PPP2R2B: variants seen among roughly 807,000 people sequenced by gnomAD.
The protein encoded by PPP2R2B is serine/threonine-protein phosphatase 2A 55 kDa regulatory subunit B beta isoform.
A neutral mutation model predicts 46.0 loss-of-function variants in PPP2R2B; 5 were observed. The observed-to-expected ratio is 0.11, with a 90% confidence interval of 0.06 to 0.23. The LOEUF is 0.23. Ranked by LOEUF, PPP2R2B falls within the 10% of genes least tolerant of loss-of-function variation. The pLI is 1.00. For synonymous variants in PPP2R2B, 215 were observed against 206.7 expected, an observed-to-expected ratio of 1.04 and a Z score of -0.34; for missense variants, 367 against 575.0, an observed-to-expected ratio of 0.64 and a Z score of 3.70.
At chr5:146,882,142 T>G (rs1181195092), upstream of PPP2R2B, among the ~76,000 whole-genome samples, 1 of 151,706 alleles carries the variant, frequency 6.6e-6, no homozygotes, top group Non-Finnish European at 1.5e-5. Context: ...CCAGGCATGG[T>G]GGCACGCGCC....
intron 2 of PPP2R2B, among the ~76,000 whole-genome samples, chr5:146,727,350 T>C: frequency 6.6e-6 from 1 of 152,018 alleles, no homozygotes; most frequent in East Asian, 1.9e-4. Flanking sequence ...TGATGAATAA[T>C]TGTACATATT....
chr5:147,034,815 C>G (rs998810434), intron 1 of PPP2R2B, among the ~76,000 whole-genome samples: 1 of 152,128 alleles, frequency 6.6e-6, no homozygotes, highest in Admixed American at 6.5e-5. Context: ...ATTAGTTTCT[C>G]AAGACCACAA....
chr5:146,951,091 C>A (rs527889665), intron 1 of PPP2R2B, among the ~76,000 whole-genome samples: 1 of 152,084 alleles, frequency 6.6e-6, no homozygotes, highest in South Asian at 2.1e-4. Context: ...TACCACTTGG[C>A]AGTTCTTCAA....
intron 2 of PPP2R2B, among the ~76,000 whole-genome samples, chr5:146,802,927 G>T (rs901144854): frequency 6.6e-6 from 1 of 152,046 alleles, no homozygotes; most frequent in Admixed American, 6.6e-5. Flanking sequence ...ACTAAGCTTC[G>T]GATAAATTTT....
At chr5:146,889,476 C>T (rs1017236256) in intron 1 of PPP2R2B, among the ~76,000 whole-genome samples, 4 of 152,098 alleles carry the variant, frequency 2.6e-5, no homozygotes, top group East Asian at 1.9e-4. Flanking sequence ...ACTCTAAATA[C>T]GAGGTTCAGA....
chr5:146,997,005 C>T (rs1753951376), intron 1 of PPP2R2B, among the ~76,000 whole-genome samples: 1 of 152,178 alleles, frequency 6.6e-6, no homozygotes, highest in African/African-American at 2.4e-5. Flanking sequence ...CCTCTTTGAC[C>T]TTCCATTTCC....
intron 7 of PPP2R2B, among the ~76,000 whole-genome samples, chr5:146,624,237 A>T (rs1475334989): frequency 6.6e-6 from 1 of 152,186 alleles, no homozygotes; most frequent in African/African-American, 2.4e-5. Context: ...AGCAAAAGGT[A>T]TCAACTTTTA....
At chr5:146,836,540 C>T (rs776306339) in intron 2 of PPP2R2B, among the ~76,000 whole-genome samples, 10 of 152,138 alleles carry the variant, frequency 6.6e-5, no homozygotes, top group Non-Finnish European at 1.0e-4. Flanking sequence ...CCTGCTTTTC[C>T]GGGATGAATA....
intron 2 of PPP2R2B, among the ~76,000 whole-genome samples, chr5:146,820,803 T>A (rs1217308835): frequency 6.6e-6 from 1 of 152,126 alleles, no homozygotes; most frequent in Admixed American, 6.6e-5. Flanking sequence ...TTCCTAGGAC[T>A]CCATCCGTCA....
intron 7 of PPP2R2B, among the ~76,000 whole-genome samples, chr5:146,637,005 A>G (rs997921039): frequency 1.3e-5 from 2 of 152,152 alleles, no homozygotes; most frequent in Non-Finnish European, 2.9e-5. Context: ...AAATGTCTCA[A>G]CCGTCTCTGA....
At chr5:147,068,469 G>GA (rs904138363) in intron 2 of PPP2R2B, among the ~76,000 whole-genome samples, 22 of 151,636 alleles carry the variant, frequency 1.5e-4, no homozygotes, top group African/African-American at 2.2e-4. Context: ...TACTTTATGT[G>GA]AAAAAAAATG....
intron 2 of PPP2R2B, among the ~76,000 whole-genome samples, chr5:146,862,808 C>A (rs1582297950): frequency 7.4e-6 from 1 of 135,716 alleles, no homozygotes. Context: ...ATGTCTACAT[C>A]AAGGCCATTC....
At chr5:147,043,381 T>G (rs1756401835) in intron 1 of PPP2R2B, among the ~76,000 whole-genome samples, 1 of 151,898 alleles carries the variant, frequency 6.6e-6, no homozygotes, top group South Asian at 2.1e-4. Context: ...ACTGGTGGTG[T>G]TTTTGCAAGA....
intron 1 of PPP2R2B, among the ~76,000 whole-genome samples, chr5:146,972,584 TG>T (rs1283487007): frequency 6.6e-6 from 1 of 151,968 alleles, no homozygotes; most frequent in Non-Finnish European, 1.5e-5. Flanking sequence ...TGGTGGTGGG[TG>T]CCTGTAATCC....
chr5:146,647,098 T>G (rs1445003238), intron 6 of PPP2R2B, among the ~76,000 whole-genome samples: 1 of 152,218 alleles, frequency 6.6e-6, no homozygotes, highest in African/African-American at 2.4e-5. Flanking sequence ...TTTCTAACCA[T>G]ATCTCCAGAT....
intron 1 of PPP2R2B, among the ~76,000 whole-genome samples, chr5:147,025,651 A>C (rs767593168): frequency 1.3e-5 from 2 of 152,058 alleles, no homozygotes; most frequent in Non-Finnish European, 2.9e-5. Context: ...GGCCATGAGA[A>C]AATATTTGTA....
At chr5:146,615,515 T>TAAAAAAAAAAAAA (rs1364774106) in intron 7 of PPP2R2B, among the ~76,000 whole-genome samples, 89 of 70,806 alleles carry the variant, frequency 1.3e-3, no homozygotes, top group Non-Finnish European at 1.7e-3. Flanking sequence ...AAAAAAAAAT[T>TAAAAAAAAAAAAA]AAAAAAAAAA....
At chr5:146,873,158 T>G (rs919708453) in intron 2 of PPP2R2B, among the ~76,000 whole-genome samples, 2 of 152,190 alleles carry the variant, frequency 1.3e-5, no homozygotes, top group Non-Finnish European at 2.9e-5. Flanking sequence ...CATGGCAAAA[T>G]TCTGGGAGTT....
At chr5:146,633,192 G>A (rs1205290331) in intron 7 of PPP2R2B, among the ~76,000 whole-genome samples, 1 of 152,234 alleles carries the variant, frequency 6.6e-6, no homozygotes. Context: ...CCCCTGCTGA[G>A]TATGCAGAGT....
Sources: allele counts gnomAD v4.1 joint callset (sites outside exome capture counted in the v4.1 genomes callset), GRCh38; gene constraint gnomAD v4.1.1; transcripts MANE v1.5; gene names NCBI Gene and HGNC (gene_info 2026-07-23, HGNC 2026-07-21).